The following NPAS1 variants were observed in gnomAD, a reference collection of about 807,000 sequenced individuals.
The protein encoded by NPAS1 is neuronal PAS domain-containing protein 1.
NPAS1 carries 29 observed loss-of-function variants against 49.2 expected under a neutral mutation model. The observed-to-expected ratio is 0.59, with a 90% CI of 0.44 to 0.80. The LOEUF (loss-of-function observed/expected upper bound fraction) is 0.80, where lower values mean the gene tolerates loss of function less well. Ranked by LOEUF, NPAS1 falls within the 30% of genes least tolerant of loss-of-function variation. The pLI is 0.00. For missense variants in NPAS1, 825 were observed against 835.5 expected, an observed-to-expected ratio of 0.99 and a Z score of 0.15; for synonymous variants, 408 against 380.4, an observed-to-expected ratio of 1.07 and a Z score of -0.84.
At chr19:47,038,937 G>A in intron 6 of NPAS1, 99 bp from the exon 7 acceptor site, 2 of 1,000,062 alleles carry the variant, frequency 2.0e-6, no homozygotes, top group South Asian at 2.6e-5. Context: ...TGGCCCAGCG[G>A]ACATCTTGTG....
intron 11 of NPAS1, among the ~76,000 whole-genome samples, chr19:47,043,992 G>A (rs539129368): frequency 6.6e-6 from 1 of 152,140 alleles, no homozygotes; most frequent in East Asian, 1.9e-4. Context: ...CTTGAGCCCG[G>A]GAGTTAGAGG....
Position 47,032,624 on chromosome 19 carries a change from C to T in NPAS1, c.433-19C>T. On this transcript the variant is annotated intron_variant, in intron 4 of 11. Coordinates refer to ENST00000602212, the MANE Select transcript of NPAS1 (RefSeq NM_002517.4). ...CACCGGGTCCTCTCCTTCCCCCTCC[C>T]TGTCTCTCCCGGCTCTAGTCCCTGG... The T allele has an allele frequency of 6.2e-7, 1 of 1,610,004 alleles. No homozygotes were observed. The highest frequency in any genetic ancestry group is 8.5e-7 in the Non-Finnish European group (1 of 1,176,266).
At chr19:47,037,721 T>G (rs903499799) in intron 6 of NPAS1, among the ~76,000 whole-genome samples, 1 of 152,216 alleles carries the variant, frequency 6.6e-6, no homozygotes, top group South Asian at 2.1e-4. Context: ...AGACATCAGC[T>G]GTGCTTGCAA....
At chr19:47,028,844 G>T (rs1400726342) in intron 3 of NPAS1, among the ~76,000 whole-genome samples, 1 of 152,090 alleles carries the variant, frequency 6.6e-6, no homozygotes, top group Non-Finnish European at 1.5e-5. Flanking sequence ...CCTCTGCAGG[G>T]TCAGGGTCAC....
At chr19:47,044,127 G>A (rs896729949) in intron 11 of NPAS1, among the ~76,000 whole-genome samples, 1 of 152,206 alleles carries the variant, frequency 6.6e-6, no homozygotes, top group East Asian at 1.9e-4. Context: ...AGGTTGGAGT[G>A]CAATAGCACA....
chr19:47,026,576 T>C (rs1182047804), intron 3 of NPAS1, among the ~76,000 whole-genome samples: 3 of 152,086 alleles, frequency 2.0e-5, no homozygotes, highest in East Asian at 1.9e-4. Context: ...TTAAAATGCA[T>C]GTGGGTGTGA....
intron 3 of NPAS1, among the ~76,000 whole-genome samples, chr19:47,025,279 C>CTTTA (rs200140007): frequency 2.3e-5 from 3 of 133,324 alleles, no homozygotes; most frequent in African/African-American, 5.0e-5. Context: ...GGGGTGACAT[C>CTTTA]TTTATTTATT....
chr19:47,024,831 C>T (rs4992133), intron 3 of NPAS1, among the ~76,000 whole-genome samples: 39,943 of 117,794 alleles, frequency 0.34, 6,633 homozygotes, highest in Admixed American at 0.52. Flanking sequence ...TTTTTTGAAA[C>T]GCAGTTTTGC....
intron 8 of NPAS1, 27 bp from the exon 9 acceptor site, chr19:47,040,417 C>T: frequency 1.3e-6 from 2 of 1,518,602 alleles, no homozygotes; most frequent in Non-Finnish European, 1.8e-6. Context: ...GTCTTGGACT[C>T]CTCCCCTCTT....
chr19:47,040,887 A>G, intron 9 of NPAS1, 91 bp from the exon 10 acceptor site: 1 of 1,112,950 alleles, frequency 9.0e-7, no homozygotes, highest in Non-Finnish European at 1.2e-6. Flanking sequence ...CCCTGCTCTC[A>G]CTCCTCCTGT....
chr19:47,026,099 C>T (rs1005892701), intron 3 of NPAS1, among the ~76,000 whole-genome samples: 5 of 152,124 alleles, frequency 3.3e-5, no homozygotes, highest in African/African-American at 1.2e-4. Flanking sequence ...CCACCATGCC[C>T]AGCTAATTTT....
At position 47,021,173 on chromosome 19, in the gene NPAS1, A is replaced by T. The variant is rs1372459866; in HGVS notation, c.122+4A>T. ...TCAAGGCGCCGTCCGGACCGTGGTG[A>T]GCAAAGCCCCGCCCCCCTGGCCGCG... On this transcript the variant is annotated splice_donor_region_variant and intron_variant, in intron 2 of 11. Transcript: ENST00000602212. The surrounding 1 kb of genome is among the most constrained non-coding windows in gnomAD (Gnocchi z 5.7). The T allele has an allele frequency of 5.1e-6, 8 of 1,559,278 alleles. No individual in the cohort carries two copies. Among genetic ancestry groups the T allele is most frequent in the Non-Finnish European group, 6.9e-6 (8 of 1,156,018 alleles).
intron 5 of NPAS1, among the ~76,000 whole-genome samples, chr19:47,033,398 G>A (rs2056922010): frequency 1.3e-5 from 2 of 151,846 alleles, no homozygotes; most frequent in Admixed American, 1.3e-4. Context: ...GCACCACCAC[G>A]CCTAGCTAAC....
chr19:47,038,522 A>G (rs2056984825), intron 6 of NPAS1, among the ~76,000 whole-genome samples: 1 of 129,828 alleles, frequency 7.7e-6, no homozygotes, highest in African/African-American at 2.5e-5. Context: ...GCTCAAAAAA[A>G]AAAAAAAAAA....
chr19:47,036,919 C>T (rs937631358), intron 6 of NPAS1, among the ~76,000 whole-genome samples: 2 of 151,756 alleles, frequency 1.3e-5, no homozygotes, highest in African/African-American at 4.8e-5. Flanking sequence ...AAAACATTAG[C>T]TGGGCATGAT....
rs1412004000 is a variant in NPAS1 at position 47,019,878 on chromosome 19, T to TCCCGCTGCGC, written c.-156_-147dup. The TCCCGCTGCGC allele has an allele frequency of 1.7e-3, 572 of 345,968 alleles. 1 individual carries two copies. Among genetic ancestry groups the TCCCGCTGCGC allele is most frequent in the Non-Finnish European group, 2.2e-3 (427 of 192,272 alleles). 21.4% of individuals were successfully genotyped at this position (345,968 alleles called of 1,614,324 possible). The stretch of plus-strand genomic sequence containing the variant: ...AGAGCTGGGCGCCACAGCCCGCGCG[T>TCCCGCTGCGC]CCCGCTGCGCCCCGCGCGCCCCGGG... On this transcript the variant is annotated 5_prime_UTR_variant, in exon 1 of 12. Coordinates refer to ENST00000602212, the MANE Select transcript of NPAS1 (RefSeq NM_002517.4).
chr19:47,039,547 C>G lies in NPAS1; in HGVS notation c.945C>G (p.Ile315Met), dbSNP rs747242185. Residue 315 changes from isoleucine to methionine, a missense_variant, in exon 8 of 12, where the codon ATC becomes ATG. Transcript: ENST00000602212. Reference protein sequence around the residue: ...IVFRLSLGLTILACESRVSDH... With the variant: ...IVFRLSLGLTMLACESRVSDH... ...TCCGTCTCAGCCTGGGTCTCACCAT[C>G]CTTGCTTGTGAGAGCAGGTACCGGG... The G allele has an allele frequency of 6.3e-7, 1 of 1,582,596 alleles. No individual in the cohort carries two copies. Among genetic ancestry groups the G allele is most frequent in the South Asian group, 1.1e-5 (1 of 87,738 alleles).
intron 11 of NPAS1, among the ~76,000 whole-genome samples, chr19:47,044,507 A>C (rs527861439): frequency 2.0e-5 from 3 of 152,394 alleles, no homozygotes; most frequent in Middle Eastern, 3.4e-3. Flanking sequence ...CCATTACCAC[A>C]GAAAGCTCTA....
chr19:47,045,086 C>T, intron 11 of NPAS1, 105 bp from the exon 12 acceptor site: 1 of 1,084,582 alleles, frequency 9.2e-7, no homozygotes, highest in Non-Finnish European at 1.3e-6. Context: ...ACCCCACTCC[C>T]AGCTGAGAAC....
Sources: gnomAD v4.1 joint callset for allele counts (sites outside exome capture counted in the v4.1 genomes callset) on GRCh38, gnomAD v4.1.1 for gene constraint, Gnocchi (gnomAD v3.1) non-coding constraint, MANE v1.5 for transcripts, NCBI Gene and HGNC (gene_info 2026-07-23, HGNC 2026-07-21) for gene names.